Variants in FCHSD2 observed in about 807,000 individuals in gnomAD.
The protein encoded by FCHSD2 is F-BAR and double SH3 domains protein 2.
FCHSD2 carries 38 observed loss-of-function variants against 108.1 expected under a neutral mutation model. The observed-to-expected ratio is 0.35, with a 90% CI of 0.27 to 0.46. FCHSD2 has a LOEUF of 0.46. Among genes scored for constraint, FCHSD2 ranks in the 20% least tolerant of loss-of-function variants. The pLI is 1.00. For missense variants in FCHSD2, 751 were observed against 897.8 expected (o/e 0.84, Z 2.09); for synonymous variants, 279 against 314.7 (o/e 0.89, Z 1.20).
chr11:72,842,528 A>G, intron 17 of FCHSD2, 93 bp downstream of exon 17: 1 of 1,499,312 alleles, frequency 6.7e-7, no homozygotes, highest in Admixed American at 1.9e-5. Flanking sequence ...GGTAAGGCAG[A>G]GACTGCAGCC....
At chr11:72,950,693 C>T (rs567889543) in intron 8 of FCHSD2, among the ~76,000 whole-genome samples, 1 of 151,998 alleles carries the variant, frequency 6.6e-6, no homozygotes, top group East Asian at 1.9e-4. Flanking sequence ...GTAGTTTTTC[C>T]TTATTTCTTT....
intron 2 of FCHSD2, among the ~76,000 whole-genome samples, chr11:73,139,157 C>G (rs1565109435): frequency 6.6e-6 from 1 of 152,116 alleles, no homozygotes. Context: ...GGGCTATAAA[C>G]AGCAATCCAA....
At chr11:73,136,525 C>A (rs1861124326) in intron 2 of FCHSD2, among the ~76,000 whole-genome samples, 1 of 152,018 alleles carries the variant, frequency 6.6e-6, no homozygotes, top group Non-Finnish European at 1.5e-5. Flanking sequence ...CCAGCCTGGG[C>A]AACAGAGTGA....
intron 9 of FCHSD2, among the ~76,000 whole-genome samples, chr11:72,903,653 C>A (rs1349258482): frequency 3.3e-5 from 5 of 151,518 alleles, no homozygotes; most frequent in Non-Finnish European, 7.4e-5. Flanking sequence ...GGGCAAAAAA[C>A]CCCACTTTCT....
At chr11:72,927,706 G>A (rs937639769) in intron 8 of FCHSD2, among the ~76,000 whole-genome samples, 2 of 152,168 alleles carry the variant, frequency 1.3e-5, no homozygotes, top group African/African-American at 4.8e-5. Context: ...GAACTGCACA[G>A]TTACTTTAGC....
intron 16 of FCHSD2, 135 bp from the exon 17 acceptor site, chr11:72,842,976 G>T: frequency 1.1e-6 from 1 of 876,002 alleles, no homozygotes; most frequent in Non-Finnish European, 1.7e-6. Flanking sequence ...TTTACTCACT[G>T]ATGAATGATT....
chr11:72,958,344 T>A (rs1190168782), intron 8 of FCHSD2, among the ~76,000 whole-genome samples: 1 of 152,046 alleles, frequency 6.6e-6, no homozygotes, highest in Non-Finnish European at 1.5e-5. Flanking sequence ...GTGGTGAAAC[T>A]CTGTCTCTAT....
At chr11:73,009,674 C>T (rs1424096389) in intron 4 of FCHSD2, among the ~76,000 whole-genome samples, 2 of 151,826 alleles carry the variant, frequency 1.3e-5, no homozygotes, top group Middle Eastern at 3.4e-3. Flanking sequence ...AATACAGTAC[C>T]CTTGGTTGGT....
At chr11:72,973,872 G>C (rs939599971) in intron 8 of FCHSD2, among the ~76,000 whole-genome samples, 1 of 152,164 alleles carries the variant, frequency 6.6e-6, no homozygotes. Flanking sequence ...TGCAACAGCT[G>C]AACTGAGTAA....
intron 13 of FCHSD2, among the ~76,000 whole-genome samples, chr11:72,860,671 C>A (rs1048165740): frequency 6.6e-6 from 1 of 151,842 alleles, no homozygotes; most frequent in African/African-American, 2.4e-5. Context: ...ATAGTGAGAC[C>A]CCATCTCTAC....
At chr11:72,899,222 T>G (rs917269029) in intron 10 of FCHSD2, among the ~76,000 whole-genome samples, 2 of 152,244 alleles carry the variant, frequency 1.3e-5, no homozygotes, top group African/African-American at 4.8e-5. Context: ...TCAATTTTTG[T>G]TTTTGCTTCC....
chr11:73,080,033 C>A (rs1859643918), intron 3 of FCHSD2, among the ~76,000 whole-genome samples: 1 of 152,094 alleles, frequency 6.6e-6, no homozygotes, highest in Non-Finnish European at 1.5e-5. Context: ...CGCGGTAGCT[C>A]ATGCCTCTAA....
intron 8 of FCHSD2, among the ~76,000 whole-genome samples, chr11:72,964,995 T>C (rs1856880853): frequency 6.6e-6 from 1 of 152,054 alleles, no homozygotes; most frequent in African/African-American, 2.4e-5. Context: ...TTCACTGTGT[T>C]AGCCAGGATG....
intron 8 of FCHSD2, among the ~76,000 whole-genome samples, chr11:72,932,847 T>C (rs1034890690): frequency 5.9e-5 from 9 of 152,208 alleles, no homozygotes; most frequent in Admixed American, 2.6e-4. Flanking sequence ...AATAAATATC[T>C]GTTCAACAAA....
chr11:72,926,570 C>T (rs1856080507), intron 8 of FCHSD2, among the ~76,000 whole-genome samples: 1 of 152,144 alleles, frequency 6.6e-6, no homozygotes, highest in Non-Finnish European at 1.5e-5. Context: ...TCTCCAGGGC[C>T]TCCTCTCTGC....
chr11:72,839,132 C>G (rs570898083), intron 19 of FCHSD2, among the ~76,000 whole-genome samples: 1 of 152,182 alleles, frequency 6.6e-6, no homozygotes, highest in Non-Finnish European at 1.5e-5. Context: ...TGACTAAGAT[C>G]CTAGCACATC....
intron 8 of FCHSD2, among the ~76,000 whole-genome samples, chr11:72,930,013 T>TA (rs1266240383): frequency 6.6e-6 from 1 of 152,120 alleles, no homozygotes; most frequent in Non-Finnish European, 1.5e-5. Context: ...GAGAGTGAAG[T>TA]AGAGAATGAG....
chr11:72,911,122 G>C (rs1376833542), intron 9 of FCHSD2, among the ~76,000 whole-genome samples: 2 of 152,108 alleles, frequency 1.3e-5, no homozygotes. Context: ...CATAGTTTGA[G>C]GTCTTAGATT....
intron 12 of FCHSD2, among the ~76,000 whole-genome samples, chr11:72,884,589 A>C (rs1407390923): frequency 6.8e-6 from 1 of 147,118 alleles, no homozygotes; most frequent in Non-Finnish European, 1.5e-5. Flanking sequence ...AAGATCATAT[A>C]TATATATATA....
Sources: allele counts gnomAD v4.1 joint callset (sites outside exome capture counted in the v4.1 genomes callset), GRCh38; gene constraint gnomAD v4.1.1; transcripts MANE v1.5; gene names NCBI Gene and HGNC (gene_info 2026-07-23, HGNC 2026-07-21).